RHOA: variants seen among roughly 807,000 people sequenced by gnomAD.
The protein encoded by RHOA is transforming protein RhoA.
In RHOA, 3 loss-of-function variants were observed where a neutral mutation model predicts 17.5. The observed-to-expected ratio is 0.17, with a 90% CI of 0.08 to 0.44. The LOEUF is 0.44. Ranked by LOEUF, RHOA falls within the 20% of genes least tolerant of loss-of-function variation. The pLI, the probability that RHOA is intolerant of heterozygous loss-of-function variation, is 0.99. For synonymous variants in RHOA, 98 were observed against 88.4 expected (o/e 1.11, Z -0.61); for missense variants, 56 against 242.3 (o/e 0.23, Z 5.10).
chr3:49,372,476 C>T (rs1349320114), intron 2 of RHOA, among the ~76,000 whole-genome samples: 2 of 152,178 alleles, frequency 1.3e-5, no homozygotes, highest in African/African-American at 4.8e-5. Context: ...CGCAGTGGCT[C>T]ACGCCTGTAA....
chr3:49,411,526 T>C (rs1268015532), intron 1 of RHOA, among the ~76,000 whole-genome samples: 8 of 151,898 alleles, frequency 5.3e-5, no homozygotes, highest in Admixed American at 4.6e-4. Flanking sequence ...GAGAGGAAGC[T>C]CCGGGGACCG....
chr3:49,375,794 G>GA (rs371446505), intron 1 of RHOA, among the ~76,000 whole-genome samples: 1 of 150,764 alleles, frequency 6.6e-6, no homozygotes, highest in Non-Finnish European at 1.5e-5. Context: ...GTAAAAGACT[G>GA]AAAAAAAGGT....
At chr3:49,386,985 C>T (rs1171251744) in intron 1 of RHOA, among the ~76,000 whole-genome samples, 1 of 151,106 alleles carries the variant, frequency 6.6e-6, no homozygotes, top group Non-Finnish European at 1.5e-5. Flanking sequence ...GGCATGGTGG[C>T]GGGTGCCTGT....
At chr3:49,361,814 G>A (rs2047976762) in intron 4 of RHOA, among the ~76,000 whole-genome samples, 1 of 152,154 alleles carries the variant, frequency 6.6e-6, no homozygotes, top group African/African-American at 2.4e-5. Flanking sequence ...CTTGGAGGCT[G>A]AGGTTGCAGC....
In RHOA at chr3:49,404,932, CTT is replaced by C. The variant is rs569231679; in HGVS notation, c.-3+6886_-3+6887del. Among the ~76,000 whole-genome samples, 402 of 116,520 alleles carry C rather than the reference CTT, an allele frequency of 3.5e-3. 3 individuals are homozygous for C. Among genetic ancestry groups the C allele is most frequent in the African/African-American group, 0.012 (370 of 30,426 alleles). The allele number at this position is 116,520 out of a possible 152,430, so 76.4% of individuals were successfully genotyped here. ...CCAGCCTGGGCGACAGAGCGAGACT[CTT>C]GTCTCCAAAAAAAAAAATAATAAAA... is the stretch of plus-strand genomic sequence containing the variant. On this transcript the variant is annotated intron_variant, in intron 1 of 4. Transcript: ENST00000418115.
chr3:49,398,839 C>CAAAAAAAAAAAAAA (rs71080506), intron 1 of RHOA, among the ~76,000 whole-genome samples: 2 of 35,662 alleles, frequency 5.6e-5, no homozygotes, highest in African/African-American at 1.4e-4. Flanking sequence ...GACTCCGTCT[C>CAAAAAAAAAAAAAA]AAAAAAAAAA....
intron 1 of RHOA, among the ~76,000 whole-genome samples, chr3:49,380,824 C>T (rs992562552): frequency 4.0e-5 from 6 of 151,142 alleles, no homozygotes; most frequent in East Asian, 1.9e-4. Flanking sequence ...GGGCAAACAA[C>T]GACAAAAATA....
At chr3:49,393,161 ACT>A (rs1284765467) in intron 1 of RHOA, among the ~76,000 whole-genome samples, 1 of 151,992 alleles carries the variant, frequency 6.6e-6, no homozygotes. Context: ...ACAGAGCAAG[ACT>A]CTGTCTCAAA....
chr3:49,366,734 T>G (rs1223733692), intron 3 of RHOA: 3 of 152,276 alleles, frequency 2.0e-5, no homozygotes, highest in African/African-American at 7.2e-5. Flanking sequence ...TGGGCCAGCA[T>G]GACCTTAAAC....
intron 1 of RHOA, among the ~76,000 whole-genome samples, chr3:49,387,658 T>C (rs1043650475): frequency 2.1e-5 from 3 of 145,664 alleles, no homozygotes; most frequent in African/African-American, 7.7e-5. Flanking sequence ...GGTAGGAGAA[T>C]GGTGTGAACC....
At chr3:49,383,658 TTC>T (rs2048352092) in intron 1 of RHOA, among the ~76,000 whole-genome samples, 1 of 152,082 alleles carries the variant, frequency 6.6e-6, no homozygotes, top group Non-Finnish European at 1.5e-5. Flanking sequence ...GTGTCTTCTA[TTC>T]TGTTTGTGCC....
At chr3:49,391,663 C>T (rs1195011518) in intron 1 of RHOA, among the ~76,000 whole-genome samples, 3 of 151,930 alleles carry the variant, frequency 2.0e-5, no homozygotes, top group African/African-American at 7.3e-5. Flanking sequence ...AGGCATGCAC[C>T]ACCATGCCCG....
At chr3:49,405,720 C>T (rs570284162) in intron 1 of RHOA, among the ~76,000 whole-genome samples, 23 of 152,226 alleles carry the variant, frequency 1.5e-4, no homozygotes, top group African/African-American at 5.5e-4. Context: ...GACGGAGTTT[C>T]GCTCTGTTGC....
intron 1 of RHOA, among the ~76,000 whole-genome samples, chr3:49,398,529 A>C (rs983004350): frequency 6.6e-6 from 1 of 152,006 alleles, no homozygotes; most frequent in Non-Finnish European, 1.5e-5. Flanking sequence ...GTGGGGGCTT[A>C]AAGAATTTTG....
intron 1 of RHOA, among the ~76,000 whole-genome samples, chr3:49,393,539 C>G (rs1000143378): frequency 6.6e-6 from 1 of 150,526 alleles, no homozygotes; most frequent in Admixed American, 6.7e-5. Context: ...ATCAAGCGAT[C>G]TACCTGCCTT....
chr3:49,381,809 G>T (rs2048321624), intron 1 of RHOA, among the ~76,000 whole-genome samples: 1 of 151,648 alleles, frequency 6.6e-6, no homozygotes, highest in Non-Finnish European at 1.5e-5. Context: ...AAGTTGCAGT[G>T]AGCTGAGATC....
Position 49,405,257 on chromosome 3 carries a change from CAAAAAAA to C in RHOA, c.-3+6556_-3+6562del, listed in dbSNP as rs56912055. Among the ~76,000 whole-genome samples the C allele has an allele frequency of 2.7e-3, 297 of 110,006 alleles. 4 individuals carry two copies. The highest frequency in any genetic ancestry group is 0.011 in the African/African-American group (277 of 24,344). 72.2% of individuals were successfully genotyped at this position (110,006 alleles called of 152,430 possible). ...TGGGTGACAGAGCGAGACTGTGTCT[CAAAAAAA>C]AAAAAAAAAAAAAAAAAATTAGCTG... On this transcript the variant is annotated intron_variant, in intron 1 of 4. Coordinates refer to ENST00000418115, the MANE Select transcript of RHOA (RefSeq NM_001664.4).
At chr3:49,368,620 A>T (rs2048096548) in intron 2 of RHOA, 72 bp from the exon 3 acceptor site, 1 of 1,541,880 alleles carries the variant, frequency 6.5e-7, no homozygotes, top group Non-Finnish European at 8.9e-7. Context: ...AGTGACACTT[A>T]CCATAGTACA....
chr3:49,381,872 A>C (rs1325696665), intron 1 of RHOA, among the ~76,000 whole-genome samples: 1 of 151,744 alleles, frequency 6.6e-6, no homozygotes, highest in Non-Finnish European at 1.5e-5. Context: ...TCTCAAAAAA[A>C]AAAAAGACAG....
Sources: allele counts gnomAD v4.1 joint callset (sites outside exome capture counted in the v4.1 genomes callset), GRCh38; gene constraint gnomAD v4.1.1; transcripts MANE v1.5; gene names NCBI Gene and HGNC (gene_info 2026-07-23, HGNC 2026-07-21).